The following TCF4 variants were observed in gnomAD, a reference collection of about 807,000 sequenced individuals.
The protein encoded by TCF4 is transcription factor 4.
Under a neutral mutation model 82.1 loss-of-function variants are expected in TCF4, and 3 were observed. The observed-to-expected ratio is 0.04, with a 90% CI of 0.02 to 0.09. The LOEUF (loss-of-function observed/expected upper bound fraction) is 0.09. Among genes scored for constraint, TCF4 ranks in the 10% least tolerant of loss-of-function variants. The pLI is 1.00. For missense variants in TCF4, 518 were observed against 852.7 expected, an observed-to-expected ratio of 0.61 and a Z score of 4.89; for synonymous variants, 276 against 309.6, an observed-to-expected ratio of 0.89 and a Z score of 1.14.
intron 3 of TCF4, among the ~76,000 whole-genome samples, chr18:55,496,850 A>G (rs2096642038): frequency 6.6e-6 from 1 of 151,596 alleles, no homozygotes; most frequent in African/African-American, 2.4e-5. Flanking sequence ...CTACAATGGA[A>G]TACAGCTGCT....
Position 55,549,832 on chromosome 18 carries a change from T to C in TCF4, c.145+35448A>G, listed in dbSNP as rs140212615. 1.3e-4 allele frequency among the ~76,000 whole-genome samples: 20 copies of C among 152,246 alleles called. No homozygotes were observed. The East Asian group carries it at 3.9e-3, about 29-fold the overall frequency. ...TTATAGTCTTATGGGACCAAAGTGG[T>C]ACATGCAGTCCACCACTGACCGAAA... On this transcript the variant is annotated intron_variant, in intron 3 of 19. Transcript: ENST00000354452.
At chr18:55,266,289 C>T (rs2059158171) in intron 11 of TCF4, 1 of 152,186 alleles carries the variant, frequency 6.6e-6, no homozygotes, top group Non-Finnish European at 1.5e-5. Context: ...ACACTTCCTC[C>T]TCCGTATGTA....
At chr18:55,604,027 C>T (rs917556367) in intron 2 of TCF4, among the ~76,000 whole-genome samples, 13 of 152,124 alleles carry the variant, frequency 8.5e-5, no homozygotes, top group South Asian at 8.3e-4. Flanking sequence ...GGATTCCTTG[C>T]GCCATTCTTC....
chr18:55,289,890 A>G (rs955051630), intron 8 of TCF4, among the ~76,000 whole-genome samples: 1 of 152,210 alleles, frequency 6.6e-6, no homozygotes, highest in African/African-American at 2.4e-5. Context: ...ACCAAAAAAA[A>G]AAAAATGTGC....
At chr18:55,515,279 C>T (rs562796631) in intron 3 of TCF4, among the ~76,000 whole-genome samples, 1 of 152,170 alleles carries the variant, frequency 6.6e-6, no homozygotes, top group African/African-American at 2.4e-5. Context: ...ATGGCCTCAC[C>T]AAGTTAAGTA....
intron 6 of TCF4, among the ~76,000 whole-genome samples, chr18:55,400,122 C>T (rs2093734436): frequency 6.6e-6 from 1 of 151,998 alleles, no homozygotes; most frequent in Non-Finnish European, 1.5e-5. Context: ...ACATTCTATT[C>T]AAAGCAGCAA....
intron 5 of TCF4, among the ~76,000 whole-genome samples, chr18:55,442,207 T>C (rs1346825698): frequency 6.6e-6 from 1 of 152,156 alleles, no homozygotes; most frequent in African/African-American, 2.4e-5. Context: ...GGCTATTGGG[T>C]CATTTTCCAG....
intron 3 of TCF4, among the ~76,000 whole-genome samples, chr18:55,545,873 C>A (rs1568365445): frequency 6.6e-6 from 1 of 152,198 alleles, no homozygotes; most frequent in African/African-American, 2.4e-5. Flanking sequence ...AACCTGTCTA[C>A]CAGCAAGACG....
chr18:55,362,723 T>C (rs1382110422), intron 6 of TCF4, among the ~76,000 whole-genome samples: 2 of 152,170 alleles, frequency 1.3e-5, no homozygotes, highest in African/African-American at 4.8e-5. Flanking sequence ...TTCCTTAGAG[T>C]AATTGTAGAG....
intron 6 of TCF4, among the ~76,000 whole-genome samples, chr18:55,386,544 T>C (rs1026184320): frequency 6.6e-6 from 1 of 152,220 alleles, no homozygotes; most frequent in Non-Finnish European, 1.5e-5. Flanking sequence ...TACTAGTTTA[T>C]TGACTACAAC....
At chr18:55,465,240 C>G (rs1054374756) in intron 3 of TCF4, among the ~76,000 whole-genome samples, 1 of 152,112 alleles carries the variant, frequency 6.6e-6, no homozygotes, top group African/African-American at 2.4e-5. Context: ...ACTGTTTATT[C>G]TCTTAATGCT....
rs1047918099 is a variant in TCF4 at position 55,286,181 on chromosome 18, G to C, written c.550-6525C>G. 2.6e-5 allele frequency among the ~76,000 whole-genome samples: 4 copies of C among 152,194 alleles called. No homozygotes were observed. The South Asian group carries it at 8.3e-4, about 32-fold the overall frequency. ...TCACTTTTTATGGACAATAAAAGCT[G>C]AATATGTTTTTAGCTTTTTTGCTGT... On this transcript the variant is annotated intron_variant, in intron 8 of 19. Transcript: ENST00000354452.
At chr18:55,380,884 T>C (rs1243948274) in intron 6 of TCF4, among the ~76,000 whole-genome samples, 1 of 152,228 alleles carries the variant, frequency 6.6e-6, no homozygotes. Context: ...GGTAGGAAAG[T>C]AGCGTTTCAG....
At chr18:55,307,487 A>G (rs1218357461) in intron 8 of TCF4, among the ~76,000 whole-genome samples, 1 of 152,218 alleles carries the variant, frequency 6.6e-6, no homozygotes, top group Non-Finnish European at 1.5e-5. Context: ...CTCAACACAC[A>G]TTATATTTCG....
At chr18:55,616,769 T>A (rs554726520) in intron 2 of TCF4, among the ~76,000 whole-genome samples, 1 of 152,234 alleles carries the variant, frequency 6.6e-6, no homozygotes, top group Admixed American at 6.5e-5. Flanking sequence ...GTCCATCCAG[T>A]CTTTTGCCCA....
chr18:55,631,739 G>A (rs561846251), intron 1 of TCF4, among the ~76,000 whole-genome samples: 15 of 152,296 alleles, frequency 9.8e-5, no homozygotes, highest in African/African-American at 3.4e-4. Flanking sequence ...TGCCTGTCTT[G>A]GTAGTGGAAT....
chr18:55,332,474 T>C (rs561571090), intron 8 of TCF4, among the ~76,000 whole-genome samples: 2 of 152,358 alleles, frequency 1.3e-5, no homozygotes, highest in East Asian at 3.9e-4. Flanking sequence ...CATGATTACA[T>C]AATTTAGGAT....
chr18:55,488,939 ATCC>A (rs1221723938), intron 3 of TCF4, among the ~76,000 whole-genome samples: 1 of 152,138 alleles, frequency 6.6e-6, no homozygotes, highest in African/African-American at 2.4e-5. Flanking sequence ...ATGATCTGTA[ATCC>A]TCCAATTTAC....
chr18:55,553,062 C>T (rs1413112659), intron 3 of TCF4: 2 of 152,214 alleles, frequency 1.3e-5, no homozygotes, highest in East Asian at 3.8e-4. Context: ...TCCCACTGCT[C>T]AGGAGCCCAG....
Sources: gnomAD v4.1 joint callset for allele counts (sites outside exome capture counted in the v4.1 genomes callset) on GRCh38, gnomAD v4.1.1 for gene constraint, MANE v1.5 for transcripts, NCBI Gene and HGNC (gene_info 2026-07-23, HGNC 2026-07-21) for gene names.